Variants in PEAK1 observed in about 807,000 individuals in gnomAD.
The protein encoded by PEAK1 is pseudopodium enriched atypical kinase 1.
In PEAK1, 54 loss-of-function variants were observed where a neutral mutation model predicts 124.7. The ratio of observed to expected loss-of-function variants is 0.43; its 90% CI spans 0.35 to 0.54. The LOEUF is 0.54. PEAK1 is among the 20% of genes least tolerant of loss of function. The probability of loss-of-function intolerance (pLI) is 0.01; values close to 1 mark genes in which losing one functional copy is unlikely to be tolerated. For synonymous variants in PEAK1, 719 were observed against 760.0 expected, an observed-to-expected ratio of 0.95 and a Z score of 0.89; for missense variants, 2,046 against 2,134.5, an observed-to-expected ratio of 0.96 and a Z score of 0.82.
chr15:77,128,081 G>GAAA (rs753604137), intron 9 of PEAK1, among the ~76,000 whole-genome samples: 1 of 84,800 alleles, frequency 1.2e-5, no homozygotes. Context: ...TCCATCTCAA[G>GAAA]AAAAAAAAAA....
intron 1 of PEAK1, among the ~76,000 whole-genome samples, chr15:77,378,329 A>G (rs998477335): frequency 6.6e-6 from 1 of 151,952 alleles, no homozygotes; most frequent in African/African-American, 2.4e-5. Context: ...TTGAAAGATC[A>G]TCTCTCTCTC....
At position 77,111,825 on chromosome 15, in the gene PEAK1, A is replaced by C. The variant is rs1389395585; in HGVS notation, c.*2331T>G. 6.6e-6 allele frequency: 1 copy of C among 152,268 alleles called. No individual in the cohort carries two copies. The highest frequency in any genetic ancestry group is 2.4e-5 in the African/African-American group (1 of 41,480). 9.4% of individuals were successfully genotyped at this position (152,268 alleles called of 1,614,324 possible). ...CATTAAATAGTCAACATTGAAATTT[A>C]CATGGGCAAGGCACCACGAACATGA... is the stretch of plus-strand genomic sequence containing the variant. On this transcript the variant is annotated 3_prime_UTR_variant, in exon 10 of 10. Coordinates refer to ENST00000682557, the MANE Select transcript of PEAK1 (RefSeq NM_001385026.1).
chr15:77,138,327 C>T (rs371157938), intron 8 of PEAK1, among the ~76,000 whole-genome samples: 53 of 152,106 alleles, frequency 3.5e-4, no homozygotes, highest in African/African-American at 1.2e-3. Context: ...GGTGAGTCAC[C>T]GAGTGAGTGG....
chr15:77,117,618 A>G (rs903987801), intron 9 of PEAK1, among the ~76,000 whole-genome samples: 2 of 152,212 alleles, frequency 1.3e-5, no homozygotes, highest in South Asian at 2.1e-4. Flanking sequence ...CAAATTTGAT[A>G]GAGGACAGAC....
intron 2 of PEAK1, among the ~76,000 whole-genome samples, chr15:77,319,925 G>A (rs930240726): frequency 3.9e-5 from 6 of 152,054 alleles, no homozygotes; most frequent in African/African-American, 7.2e-5. Flanking sequence ...GAAAAATATC[G>A]TTAAAAGGTC....
chr15:77,239,869 C>A (rs935391646), intron 6 of PEAK1: 1 of 984,252 alleles, frequency 1.0e-6, no homozygotes, highest in South Asian at 4.7e-5. Context: ...TTCCACATTT[C>A]CAAATTTGAG....
intron 8 of PEAK1, among the ~76,000 whole-genome samples, chr15:77,144,429 C>T (rs775462683): frequency 6.6e-6 from 1 of 152,200 alleles, no homozygotes; most frequent in African/African-American, 2.4e-5. Flanking sequence ...TCTCTTAGCA[C>T]TTTTTGCTTT....
At chr15:77,191,013 T>G (rs2057805516) in intron 6 of PEAK1, among the ~76,000 whole-genome samples, 1 of 152,192 alleles carries the variant, frequency 6.6e-6, no homozygotes, top group Non-Finnish European at 1.5e-5. Flanking sequence ...ATACCTAACT[T>G]TATGTTTTTT....
intron 5 of PEAK1, chr15:77,278,468 C>A: frequency 2.1e-6 from 1 of 484,608 alleles, no homozygotes; most frequent in Non-Finnish European, 4.1e-6. Context: ...CAGCACCATG[C>A]CCAAGAGAAA....
chr15:77,396,585 A>C (rs1219372111), intron 1 of PEAK1, among the ~76,000 whole-genome samples: 2 of 152,206 alleles, frequency 1.3e-5, no homozygotes, highest in African/African-American at 4.8e-5. Context: ...AAATGGAAAA[A>C]GATATTCCAT....
chr15:77,240,551 G>T (rs989972297), intron 6 of PEAK1, among the ~76,000 whole-genome samples: 1 of 151,722 alleles, frequency 6.6e-6, no homozygotes, highest in Non-Finnish European at 1.5e-5. Context: ...AGCCCTGGAG[G>T]TTGAGGGTGC....
intron 6 of PEAK1, among the ~76,000 whole-genome samples, chr15:77,232,419 A>G (rs74027549): frequency 0.22 from 33,713 of 151,968 alleles, 4,214 homozygotes; most frequent in Middle Eastern, 0.29. Flanking sequence ...GAATCCAATC[A>G]CTTCTTTCTA....
intron 9 of PEAK1, among the ~76,000 whole-genome samples, chr15:77,131,699 C>A (rs2052876131): frequency 6.6e-6 from 1 of 152,142 alleles, no homozygotes; most frequent in African/African-American, 2.4e-5. Context: ...CATTAGTTAT[C>A]CTCCTCTATA....
chr15:77,356,222 T>C (rs1046062648), intron 2 of PEAK1, among the ~76,000 whole-genome samples: 1 of 152,182 alleles, frequency 6.6e-6, no homozygotes, highest in Non-Finnish European at 1.5e-5. Flanking sequence ...CAAATCTCAC[T>C]CAACTATATA....
chr15:77,288,882 T>C (rs2063064314), intron 2 of PEAK1, among the ~76,000 whole-genome samples: 1 of 138,080 alleles, frequency 7.2e-6, no homozygotes, highest in African/African-American at 2.8e-5. Flanking sequence ...TGAGCCGAGA[T>C]AGTGCCACTG....
intron 2 of PEAK1, among the ~76,000 whole-genome samples, chr15:77,313,886 C>T (rs546408043): frequency 3.3e-5 from 5 of 151,388 alleles, no homozygotes; most frequent in East Asian, 1.9e-4. Flanking sequence ...CCGGCCAAGA[C>T]GTCCTTTTAA....
chr15:77,251,159 A>G (rs901839422), intron 6 of PEAK1, among the ~76,000 whole-genome samples: 6 of 152,226 alleles, frequency 3.9e-5, no homozygotes, highest in African/African-American at 1.4e-4. Context: ...AAGAGTTATA[A>G]TTGTTCACTA....
intron 2 of PEAK1, among the ~76,000 whole-genome samples, chr15:77,327,628 AAAG>A (rs1342638298): frequency 2.0e-5 from 3 of 152,098 alleles, no homozygotes; most frequent in African/African-American, 4.8e-5. Context: ...TTTTAACAGA[AAAG>A]AAGAACTAGT....
At chr15:77,232,849 G>T (rs978188283) in intron 6 of PEAK1, among the ~76,000 whole-genome samples, 1 of 152,064 alleles carries the variant, frequency 6.6e-6, no homozygotes, top group Non-Finnish European at 1.5e-5. Context: ...GGGTTCAAGC[G>T]ATTCTCCTGC....
Sources: allele counts gnomAD v4.1 joint callset (sites outside exome capture counted in the v4.1 genomes callset), GRCh38; gene constraint gnomAD v4.1.1; transcripts MANE v1.5; gene names NCBI Gene and HGNC (gene_info 2026-07-23, HGNC 2026-07-21).